ADGRL3: variants seen among roughly 807,000 people sequenced by gnomAD.
ADGRL3 encodes calcium-independent alpha-latrotoxin receptor 3.
In ADGRL3, 62 loss-of-function variants were observed where a neutral mutation model predicts 153.5. That is an observed-to-expected ratio of 0.40 (90% confidence interval 0.33 to 0.50). The LOEUF is 0.50. Among genes scored for constraint, ADGRL3 ranks in the 20% least tolerant of loss-of-function variants. The pLI is 0.47. For synonymous variants in ADGRL3, 710 were observed against 672.5 expected (o/e 1.06, Z -0.86); for missense variants, 1,641 against 1,859.4 (o/e 0.88, Z 2.16).
chr4:61,528,320 G>C (rs1421305674), intron 4 of ADGRL3, among the ~76,000 whole-genome samples: 1 of 151,690 alleles, frequency 6.6e-6, no homozygotes, highest in Admixed American at 6.6e-5. Context: ...ACTTCCTCTG[G>C]GAAGTCTTTC....
chr4:61,754,200 A>C (rs903785439), intron 8 of ADGRL3, among the ~76,000 whole-genome samples: 2 of 152,224 alleles, frequency 1.3e-5, no homozygotes, highest in African/African-American at 4.8e-5. Context: ...CCTTCCAGTC[A>C]AAGGCTTAGC....
intron 1 of ADGRL3, among the ~76,000 whole-genome samples, chr4:61,328,595 G>A (rs2095509991): frequency 6.6e-6 from 1 of 152,058 alleles, no homozygotes; most frequent in Non-Finnish European, 1.5e-5. Context: ...TTAAACATAT[G>A]CATTTATTTA....
chr4:61,560,572 A>C (rs2148963242), intron 4 of ADGRL3, among the ~76,000 whole-genome samples: 1 of 152,290 alleles, frequency 6.6e-6, no homozygotes, highest in South Asian at 2.1e-4. Flanking sequence ...GAGGTCATTA[A>C]GTTAGCAGGG....
intron 21 of ADGRL3, among the ~76,000 whole-genome samples, chr4:62,004,265 AATAT>A (rs1210233531): frequency 2.0e-5 from 3 of 151,608 alleles, no homozygotes; most frequent in African/African-American, 7.2e-5. Flanking sequence ...GTTAATAATA[AATAT>A]ATATAGCCTA....
At chr4:61,307,893 C>T (rs765640291) in intron 1 of ADGRL3, among the ~76,000 whole-genome samples, 5 of 152,144 alleles carry the variant, frequency 3.3e-5, no homozygotes, top group Non-Finnish European at 4.4e-5. Context: ...CATTTCTCAA[C>T]TAATTGGAAA....
intron 5 of ADGRL3, among the ~76,000 whole-genome samples, chr4:61,667,403 A>G (rs528243700): frequency 3.0e-4 from 46 of 152,286 alleles, no homozygotes; most frequent in Non-Finnish European, 5.1e-4. Context: ...GAGCATAGGC[A>G]AATAAGATCT....
chr4:61,857,738 C>CT (rs563770955), intron 9 of ADGRL3, among the ~76,000 whole-genome samples: 2 of 135,562 alleles, frequency 1.5e-5, no homozygotes, highest in Non-Finnish European at 3.2e-5. Flanking sequence ...CTCTTTCTTT[C>CT]TTTTTTTGCA....
chr4:62,068,160 G>A lies in ADGRL3; in HGVS notation c.3815-6G>A, dbSNP rs373866601. On this transcript the variant is annotated splice_polypyrimidine_tract_variant and splice_region_variant and intron_variant, in intron 25 of 26. Transcript: ENST00000683033. ...TTTCTTTCCTTTTCTTCATGCTGTCGTTTAGAGCCCTACAGAGAGACAAGT... is the reference window on the plus strand; with the variant it reads ...TTTCTTTCCTTTTCTTCATGCTGTCATTTAGAGCCCTACAGAGAGACAAGT... 1.8e-5 allele frequency: 28 copies of A among 1,564,058 alleles called. No individual in the cohort carries two copies. Among genetic ancestry groups the A allele is most frequent in the Non-Finnish European group, 2.3e-5 (27 of 1,163,538 alleles).
At chr4:62,006,101 C>A (rs1353072153) in intron 21 of ADGRL3, among the ~76,000 whole-genome samples, 2 of 140,864 alleles carry the variant, frequency 1.4e-5, no homozygotes, top group Non-Finnish European at 3.0e-5. Context: ...GTGACATGAT[C>A]TCGGCTCACT....
At chr4:61,368,993 T>G (rs1343462067) in intron 1 of ADGRL3, among the ~76,000 whole-genome samples, 1 of 152,198 alleles carries the variant, frequency 6.6e-6, no homozygotes, top group Non-Finnish European at 1.5e-5. Flanking sequence ...TTGAAGCAAT[T>G]GTGAATGGGA....
intron 9 of ADGRL3, among the ~76,000 whole-genome samples, chr4:61,832,298 C>A (rs2097881113): frequency 6.6e-6 from 1 of 152,190 alleles, no homozygotes; most frequent in Non-Finnish European, 1.5e-5. Context: ...CAGGTTATGA[C>A]TTATTGTGCA....
chr4:61,535,876 T>C (rs1240871616), intron 4 of ADGRL3, among the ~76,000 whole-genome samples: 1 of 152,094 alleles, frequency 6.6e-6, no homozygotes, highest in Admixed American at 6.5e-5. Flanking sequence ...TTATTCTTTG[T>C]ACTTTTAGGC....
chr4:61,989,011 T>G (rs747244504), intron 19 of ADGRL3, among the ~76,000 whole-genome samples: 2 of 152,106 alleles, frequency 1.3e-5, no homozygotes, highest in Non-Finnish European at 2.9e-5. Flanking sequence ...CTCACTAGCT[T>G]AAGAGTATCT....
At position 61,333,026 on chromosome 4, in the gene ADGRL3, ATG is replaced by A. The variant is rs202032034; in HGVS notation, c.-239-50092_-239-50091del. Among the ~76,000 whole-genome samples the A allele has an allele frequency of 1.9e-3, 285 of 152,248 alleles. 6 individuals are homozygous for A. The East Asian group carries it at 0.041, about 22-fold the overall frequency. ...TCCTCTGTTTCAGGGAAATGAAGCAATGTGTGTATGCCTGTCTTAACTTAAAA... is the reference window on the plus strand; with the variant it reads ...TCCTCTGTTTCAGGGAAATGAAGCAATGTGTATGCCTGTCTTAACTTAAAA... On this transcript the variant is annotated intron_variant, in intron 1 of 26. Coordinates refer to ENST00000683033, the MANE Select transcript of ADGRL3 (RefSeq NM_001387552.1).
rs927540187 is a variant in ADGRL3, at chr4:62,072,021, C to T, written c.*1113C>T. ...GCATATTTGGCAAGCAGTTCATCAC[C>T]AGGACACTAGCTATGATTCTAGAAG... is the stretch of plus-strand genomic sequence containing the variant. On this transcript the variant is annotated 3_prime_UTR_variant, in exon 27 of 27. Coordinates refer to ENST00000683033, the MANE Select transcript of ADGRL3 (RefSeq NM_001387552.1). 5.3e-6 allele frequency: 1 copy of T among 187,354 alleles called. No individual in the cohort carries two copies. Among genetic ancestry groups the T allele is most frequent in the African/African-American group, 2.4e-5 (1 of 41,684 alleles). 11.6% of individuals were successfully genotyped at this position (187,354 alleles called of 1,614,324 possible).
At chr4:61,369,829 G>T (rs1344053577) in intron 1 of ADGRL3, among the ~76,000 whole-genome samples, 1 of 152,040 alleles carries the variant, frequency 6.6e-6, no homozygotes, top group East Asian at 1.9e-4. Context: ...TGTACCTCTG[G>T]TAGAATTCGG....
chr4:61,745,406 G>T (rs1284258170), intron 8 of ADGRL3, among the ~76,000 whole-genome samples: 2 of 152,098 alleles, frequency 1.3e-5, no homozygotes, highest in East Asian at 3.9e-4. Flanking sequence ...ACACATAATT[G>T]TCAGATTCAC....
At chr4:61,951,935 G>T (rs553506803) in intron 17 of ADGRL3, among the ~76,000 whole-genome samples, 7 of 152,232 alleles carry the variant, frequency 4.6e-5, no homozygotes, top group African/African-American at 1.7e-4. Context: ...TCCTGGTAAA[G>T]GGTGTCTAGG....
chr4:61,949,048 G>A (rs2098936876), intron 17 of ADGRL3, among the ~76,000 whole-genome samples: 1 of 151,474 alleles, frequency 6.6e-6, no homozygotes, highest in Admixed American at 6.6e-5. Context: ...GCAGGTCAGT[G>A]CATCAGTAGT....
Sources: gnomAD v4.1 joint callset for allele counts (sites outside exome capture counted in the v4.1 genomes callset) on GRCh38, gnomAD v4.1.1 for gene constraint, MANE v1.5 for transcripts, NCBI Gene and HGNC (gene_info 2026-07-23, HGNC 2026-07-21) for gene names.